The following TTC28 variants were observed in gnomAD, a reference collection of about 807,000 sequenced individuals.
TTC28 encodes the protein tetratricopeptide repeat protein 28.
In TTC28, 61 loss-of-function variants were observed where a neutral mutation model predicts 198.0. The observed-to-expected ratio is 0.31, with a 90% CI of 0.25 to 0.38. The LOEUF (loss-of-function observed/expected upper bound fraction) is 0.38. Among genes scored for constraint, TTC28 ranks in the 10% least tolerant of loss-of-function variants. TTC28 has a pLI of 1.00. For synonymous variants in TTC28, 1,171 were observed against 1,297.8 expected, an observed-to-expected ratio of 0.90 and a Z score of 2.10; for missense variants, 2,678 against 3,164.0, an observed-to-expected ratio of 0.85 and a Z score of 3.69.
At chr22:28,565,642 T>G (rs2049956613) in intron 2 of TTC28, among the ~76,000 whole-genome samples, 1 of 152,232 alleles carries the variant, frequency 6.6e-6, no homozygotes. Context: ...AATGGCTGAT[T>G]CAAGTTTGGA....
rs2051111731 is a variant in TTC28, at chr22:28,628,364, T to C, written c.381+1188A>G. 2.0e-5 allele frequency among the ~76,000 whole-genome samples: 3 copies of C among 152,312 alleles called. No individual in the cohort carries two copies. In the South Asian group the frequency reaches 6.2e-4, roughly 32 times the overall value. On this transcript the variant is annotated intron_variant, in intron 2 of 22. Coordinates refer to ENST00000397906, the MANE Select transcript of TTC28 (RefSeq NM_001145418.2). ...TGTATTTAAGGTATACAACATGATATTTTTGCTTACTTATATGAAGTGAAG... is the reference window on the plus strand; with the variant it reads ...TGTATTTAAGGTATACAACATGATACTTTTGCTTACTTATATGAAGTGAAG...
At chr22:28,332,043 T>A (rs574519252) in intron 2 of TTC28, among the ~76,000 whole-genome samples, 2 of 152,128 alleles carry the variant, frequency 1.3e-5, no homozygotes, top group Admixed American at 6.6e-5. Flanking sequence ...CACTTGCATA[T>A]GAGTCTTCTA....
chr22:28,120,106 A>T (rs1048333681), intron 6 of TTC28, among the ~76,000 whole-genome samples: 10 of 152,118 alleles, frequency 6.6e-5, no homozygotes, highest in Non-Finnish European at 8.8e-5. Flanking sequence ...AATAATAATA[A>T]TAATGATAAT....
intron 6 of TTC28, among the ~76,000 whole-genome samples, chr22:28,139,301 AGTTT>A (rs2146983868): frequency 6.6e-6 from 1 of 152,302 alleles, no homozygotes; most frequent in East Asian, 1.9e-4. Context: ...AACAAAACAC[AGTTT>A]GTAAGAAAGT....
intron 12 of TTC28, among the ~76,000 whole-genome samples, chr22:28,086,067 G>A (rs1475118197): frequency 2.0e-5 from 3 of 152,080 alleles, no homozygotes; most frequent in Non-Finnish European, 4.4e-5. Flanking sequence ...AATATTGGGA[G>A]ACTTTAACAC....
chr22:28,063,704 G>A (rs9613565), intron 12 of TTC28, among the ~76,000 whole-genome samples: 1 of 152,146 alleles, frequency 6.6e-6, no homozygotes, highest in Admixed American at 6.6e-5. Context: ...TGGATGCACA[G>A]CTCAGGTTGA....
At chr22:28,287,513 A>C (rs1447172574) in intron 5 of TTC28, among the ~76,000 whole-genome samples, 3 of 152,212 alleles carry the variant, frequency 2.0e-5, no homozygotes, top group Non-Finnish European at 2.9e-5. Context: ...AATGTGGCAG[A>C]AATGACAACT....
intron 2 of TTC28, among the ~76,000 whole-genome samples, chr22:28,397,887 T>C (rs1426206216): frequency 6.6e-6 from 1 of 152,204 alleles, no homozygotes; most frequent in East Asian, 1.9e-4. Context: ...CCAGAGGGCT[T>C]TGAGTCCAGG....
intron 14 of TTC28, among the ~76,000 whole-genome samples, chr22:28,009,532 G>A (rs1207830036): frequency 3.9e-5 from 6 of 152,246 alleles, no homozygotes; most frequent in South Asian, 2.1e-4. Flanking sequence ...GGAGCAGTGC[G>A]TGGGTGCTTG....
intron 2 of TTC28, among the ~76,000 whole-genome samples, chr22:28,598,654 T>C (rs1316462285): frequency 6.6e-6 from 1 of 152,112 alleles, no homozygotes; most frequent in Non-Finnish European, 1.5e-5. Flanking sequence ...ATGACATATA[T>C]GGCAACAATT....
chr22:28,106,356 G>C (rs1180941110), intron 7 of TTC28, among the ~76,000 whole-genome samples: 1 of 152,146 alleles, frequency 6.6e-6, no homozygotes, highest in African/African-American at 2.4e-5. Flanking sequence ...CCAACAGTGT[G>C]TCTTTTTCTG....
intron 6 of TTC28, among the ~76,000 whole-genome samples, chr22:28,123,196 T>C (rs181801742): frequency 8.7e-4 from 132 of 152,166 alleles, no homozygotes; most frequent in Middle Eastern, 3.4e-3. Context: ...TTCTCTTTGT[T>C]CTTTCCTTCT....
At chr22:28,459,816 G>C (rs770465046) in intron 2 of TTC28, 2 of 152,026 alleles carry the variant, frequency 1.3e-5, no homozygotes, top group Non-Finnish European at 2.9e-5. Context: ...TCTGATCTTT[G>C]GTATGTGCCT....
chr22:28,171,622 C>CAAA (rs5844804), intron 5 of TTC28, among the ~76,000 whole-genome samples: 57 of 104,586 alleles, frequency 5.5e-4, no homozygotes, highest in East Asian at 3.5e-3. Flanking sequence ...GGCATATTTG[C>CAAA]AAAAAAAAAA....
intron 2 of TTC28, among the ~76,000 whole-genome samples, chr22:28,408,117 T>G (rs1162225736): frequency 6.6e-6 from 1 of 151,988 alleles, no homozygotes; most frequent in Non-Finnish European, 1.5e-5. Context: ...ACTTAATTAA[T>G]AAGATACTAG....
intron 5 of TTC28, 130 bp from the exon 6 acceptor site, chr22:28,163,729 G>A (rs763893528): frequency 2.4e-4 from 244 of 1,019,808 alleles, no homozygotes; most frequent in Non-Finnish European, 3.3e-4. Context: ...CTCCCAGCGT[G>A]AGTGACGCAG....
intron 1 of TTC28, among the ~76,000 whole-genome samples, chr22:28,637,314 G>A (rs774472279): frequency 3.9e-5 from 6 of 152,204 alleles, no homozygotes; most frequent in South Asian, 2.1e-4. Flanking sequence ...GCCCAGCCAC[G>A]TTTAAGTATT....
At position 28,254,842 on chromosome 22, in the gene TTC28, A is replaced by G. The variant is rs1363494809; in HGVS notation, c.933+41356T>C. ...AATCAGAACTGATATTCCCATATAA[A>G]GCAAGGACCCTGGAAAGGCCTGCCT... On this transcript the variant is annotated intron_variant, in intron 5 of 22. Transcript: ENST00000397906. 3.3e-5 allele frequency among the ~76,000 whole-genome samples: 5 copies of G among 152,208 alleles called. No homozygotes were observed. The South Asian group carries it at 1.0e-3, about 32-fold the overall frequency.
chr22:28,266,334 A>T (rs923496509), intron 5 of TTC28, among the ~76,000 whole-genome samples: 43 of 152,124 alleles, frequency 2.8e-4, no homozygotes, highest in Admixed American at 2.7e-3. Context: ...AATCACAGGA[A>T]TACAAATTAA....
Sources: allele counts gnomAD v4.1 joint callset (sites outside exome capture counted in the v4.1 genomes callset), GRCh38; gene constraint gnomAD v4.1.1; transcripts MANE v1.5; gene names NCBI Gene and HGNC (gene_info 2026-07-23, HGNC 2026-07-21).